Variants in PLOD2 observed in about 807,000 individuals in gnomAD.
PLOD2 encodes the protein lysine hydroxylase 2.
Under a neutral mutation model 101.0 loss-of-function variants are expected in PLOD2, and 65 were observed. That is an observed-to-expected ratio of 0.64 (90% CI 0.53 to 0.79). PLOD2 has a LOEUF of 0.79. Ranked by LOEUF, PLOD2 falls within the 30% of genes least tolerant of loss-of-function variation. The pLI, the probability that PLOD2 is intolerant of heterozygous loss-of-function variation, is 0.00. For synonymous variants in PLOD2, 314 were observed against 302.9 expected (o/e 1.04, Z -0.38); for missense variants, 909 against 914.6 (o/e 0.99, Z 0.08).
intron 2 of PLOD2, among the ~76,000 whole-genome samples, chr3:146,123,646 A>G (rs2030348549): frequency 6.6e-6 from 1 of 152,052 alleles, no homozygotes; most frequent in Non-Finnish European, 1.5e-5. Flanking sequence ...TACAGAAAAA[A>G]TTATGCAGTC....
chr3:146,071,328 C>G lies in PLOD2; in HGVS notation c.1944G>C (p.Arg648=). 1 of 1,612,166 alleles carries G rather than the reference C, an allele frequency of 6.2e-7. No individual in the cohort carries two copies. Among genetic ancestry groups the G allele is most frequent in the Non-Finnish European group, 8.5e-7 (1 of 1,178,772 alleles). ...DLENVWLHFI[R]EFIAPVTLKV... ...TCAGTGTAACTGGTGCAATGAACTCCCGGATAAAATGAAGCCATACATTCT... is the reference window on the plus strand; with the variant it reads ...TCAGTGTAACTGGTGCAATGAACTCGCGGATAAAATGAAGCCATACATTCT... The change falls in exon 18 of 20, where the codon CGG becomes CGC. Residue 648 remains arginine, a synonymous_variant. Coordinates refer to ENST00000282903, the MANE Select transcript of PLOD2 (RefSeq NM_182943.3).
At chr3:146,111,259 AC>A (rs1937627610) in intron 3 of PLOD2, among the ~76,000 whole-genome samples, 1 of 152,148 alleles carries the variant, frequency 6.6e-6, no homozygotes, top group East Asian at 1.9e-4. Flanking sequence ...GCACCTTAAG[AC>A]CAAAGGTTTC....
chr3:146,094,963 A>C (rs1186244643), intron 7 of PLOD2, among the ~76,000 whole-genome samples: 1 of 152,198 alleles, frequency 6.6e-6, no homozygotes, highest in Non-Finnish European at 1.5e-5. Flanking sequence ...AAAAACAAGC[A>C]ATGGGGAAAG....
chr3:146,152,234 T>C (rs1670977811), intron 1 of PLOD2, among the ~76,000 whole-genome samples: 1 of 151,960 alleles, frequency 6.6e-6, no homozygotes, highest in African/African-American at 2.4e-5. Context: ...GCCTGACCAA[T>C]ATGGTGAAAC....
chr3:146,084,685 A>C (rs1302624146), intron 11 of PLOD2, among the ~76,000 whole-genome samples: 1 of 152,238 alleles, frequency 6.6e-6, no homozygotes, highest in Non-Finnish European at 1.5e-5. Flanking sequence ...CAATTGAGTT[A>C]AATGAGCAAA....
At chr3:146,155,333 T>A (rs115371510) in intron 1 of PLOD2, among the ~76,000 whole-genome samples, 3,661 of 143,320 alleles carry the variant, frequency 0.026, 94 homozygotes, top group African/African-American at 0.076. Flanking sequence ...ATAAATAAAT[T>A]AATTAATTAA....
At chr3:146,088,856 G>C in intron 8 of PLOD2, 145 bp from the exon 9 acceptor site, 1 of 707,898 alleles carries the variant, frequency 1.4e-6, no homozygotes, top group Non-Finnish European at 2.3e-6. Flanking sequence ...CTCCATGGCA[G>C]TTCTCTAACA....
At chr3:146,147,506 G>T (rs2031837584) in intron 1 of PLOD2, among the ~76,000 whole-genome samples, 1 of 152,120 alleles carries the variant, frequency 6.6e-6, no homozygotes, top group Admixed American at 6.5e-5. Context: ...TTGACATTTG[G>T]GGCCAGATAA....
At chr3:146,113,785 A>C (rs1172772106) in intron 3 of PLOD2, among the ~76,000 whole-genome samples, 2 of 152,176 alleles carry the variant, frequency 1.3e-5, no homozygotes, top group African/African-American at 2.4e-5. Context: ...GGGCACCTTG[A>C]AAAAAGAACA....
At chr3:146,099,943 C>A (rs901054592) in intron 7 of PLOD2, among the ~76,000 whole-genome samples, 1 of 143,494 alleles carries the variant, frequency 7.0e-6, no homozygotes, top group African/African-American at 2.6e-5. Flanking sequence ...AGAGTAATGG[C>A]GTGATCTTGG....
chr3:146,110,520 C>T, intron 3 of PLOD2, 72 bp from the exon 4 acceptor site: 1 of 1,268,146 alleles, frequency 7.9e-7, no homozygotes, highest in Non-Finnish European at 1.1e-6. Context: ...ATGAAAAGTT[C>T]TCTAACAAAA....
chr3:146,151,030 C>T (rs1234142909), intron 1 of PLOD2, among the ~76,000 whole-genome samples: 2 of 152,192 alleles, frequency 1.3e-5, no homozygotes, highest in African/African-American at 2.4e-5. Context: ...AACACCAAGT[C>T]CTGGCCAAGT....
At chr3:146,146,694 A>G (rs892447917) in intron 1 of PLOD2, among the ~76,000 whole-genome samples, 12 of 152,162 alleles carry the variant, frequency 7.9e-5, no homozygotes, top group Admixed American at 5.2e-4. Flanking sequence ...TCTGAATTCA[A>G]TACTTCCAAT....
At chr3:146,096,039 G>A (rs1027453423) in intron 7 of PLOD2, among the ~76,000 whole-genome samples, 1 of 147,374 alleles carries the variant, frequency 6.8e-6, no homozygotes, top group Non-Finnish European at 1.5e-5. Flanking sequence ...GGCGCGCGCC[G>A]CCACGCCTGA....
At chr3:146,123,740 T>C (rs1487362580) in intron 2 of PLOD2, among the ~76,000 whole-genome samples, 1 of 123,854 alleles carries the variant, frequency 8.1e-6, no homozygotes, top group African/African-American at 3.1e-5. Flanking sequence ...TATATGCAAA[T>C]ACATATTAAC....
At chr3:146,129,830 A>G (rs2030802222) in intron 1 of PLOD2, among the ~76,000 whole-genome samples, 1 of 152,138 alleles carries the variant, frequency 6.6e-6, no homozygotes, top group Non-Finnish European at 1.5e-5. Context: ...AAATCTTTAC[A>G]TTCCTCTCCA....
At chr3:146,108,187 T>C (rs980950790) in intron 4 of PLOD2, among the ~76,000 whole-genome samples, 9 of 152,098 alleles carry the variant, frequency 5.9e-5, no homozygotes, top group African/African-American at 2.2e-4. Flanking sequence ...CTCTTTTTGT[T>C]GTTGTTTTTG....
Position 146,069,784 on chromosome 3 carries a change from C to T in PLOD2, c.*933G>A, listed in dbSNP as rs1936055860. 1.3e-5 allele frequency: 2 copies of T among 152,072 alleles called. No individual in the cohort carries two copies. The highest frequency in any genetic ancestry group is 1.3e-4 in the Admixed American group (2 of 15,158). The allele number at this position is 152,072 out of a possible 1,614,324, so 9.4% of individuals were successfully genotyped here. A position where few individuals can be genotyped will look rare whatever the true frequency, so the allele number is the denominator to read the frequency against. ...AAACGGAAGAAGCAAGGCTCAACAA[C>T]TTTGTTTTCCTGATATAAAATTCAA... is the stretch of plus-strand genomic sequence containing the variant. On this transcript the variant is annotated 3_prime_UTR_variant, in exon 20 of 20. Transcript: ENST00000282903.
intron 3 of PLOD2, among the ~76,000 whole-genome samples, chr3:146,120,101 C>A (rs908202886): frequency 2.6e-5 from 3 of 117,592 alleles, no homozygotes; most frequent in African/African-American, 9.9e-5. Flanking sequence ...CTCTCCAGCA[C>A]CTGTTGTTTC....
Sources: allele counts gnomAD v4.1 joint callset (sites outside exome capture counted in the v4.1 genomes callset), GRCh38; gene constraint gnomAD v4.1.1; transcripts MANE v1.5; gene names NCBI Gene and HGNC (gene_info 2026-07-23, HGNC 2026-07-21).